Variants in VWC2 observed in about 807,000 individuals in gnomAD.
VWC2 encodes brorin.
In VWC2, 14 loss-of-function variants were observed where a neutral mutation model predicts 29.8. That is an observed-to-expected ratio of 0.47 (90% CI 0.31 to 0.74). The LOEUF is 0.74. Ranked by LOEUF, VWC2 falls within the 30% of genes least tolerant of loss-of-function variation. The probability of loss-of-function intolerance (pLI) is 0.05; values close to 1 mark genes in which losing one functional copy is unlikely to be tolerated. For missense variants in VWC2, 457 were observed against 459.8 expected, an observed-to-expected ratio of 0.99 and a Z score of 0.05; for synonymous variants, 213 against 199.0, an observed-to-expected ratio of 1.07 and a Z score of -0.59.
intron 3 of VWC2, among the ~76,000 whole-genome samples, chr7:49,871,893 A>G (rs544983048): frequency 7.7e-6 from 1 of 130,136 alleles, no homozygotes; most frequent in African/African-American, 2.8e-5. Context: ...TTTTGTATGT[A>G]TATGTGTGTA....
At chr7:49,783,032 T>C (rs1788212180) in intron 2 of VWC2, among the ~76,000 whole-genome samples, 1 of 152,182 alleles carries the variant, frequency 6.6e-6, no homozygotes, top group African/African-American at 2.4e-5. Flanking sequence ...AGCCACGCCC[T>C]GGTCCAGATT....
At chr7:49,905,328 A>AGCCACTGCTACAGCAGT (rs1269333598) in intron 3 of VWC2, among the ~76,000 whole-genome samples, 1 of 152,204 alleles carries the variant, frequency 6.6e-6, no homozygotes, top group African/African-American at 2.4e-5. Flanking sequence ...CCACCACAGC[A>AGCCACTGCTACAGCAGT]GCCACTGCTA....
chr7:49,820,276 C>G (rs1023387189), intron 3 of VWC2, among the ~76,000 whole-genome samples: 16 of 152,096 alleles, frequency 1.1e-4, no homozygotes, highest in Non-Finnish European at 1.9e-4. Flanking sequence ...TCTCCACACT[C>G]CAGGCACCAT....
In VWC2 at chr7:49,775,403, C is replaced by T; in HGVS notation, c.-33C>T. On this transcript the variant is annotated 5_prime_UTR_variant, in exon 2 of 4. Transcript: ENST00000340652. Reference sequence around the variant, plus strand: ...TGCGACTCGCCCCTCGGCCGCGCTCCCCGCCCGCCCGCCCGCCGGGACGTG... The same window carrying T: ...TGCGACTCGCCCCTCGGCCGCGCTCTCCGCCCGCCCGCCCGCCGGGACGTG... 1 of 868,958 alleles carries T rather than the reference C, an allele frequency of 1.2e-6. No individual in the cohort carries two copies. Among genetic ancestry groups the T allele is most frequent in the Non-Finnish European group, 1.5e-6 (1 of 650,748 alleles). The allele number at this position is 868,958 out of a possible 1,614,324, so 53.8% of individuals were successfully genotyped here. A position where few individuals can be genotyped will look rare whatever the true frequency, so the allele number is the denominator to read the frequency against.
At chr7:49,790,937 C>A (rs1000534638) in intron 2 of VWC2, among the ~76,000 whole-genome samples, 1 of 151,998 alleles carries the variant, frequency 6.6e-6, no homozygotes, top group African/African-American at 2.4e-5. Context: ...GCAGGCAGAG[C>A]CATTTGCGCT....
rs115365218 is a variant in VWC2, at chr7:49,909,212, A to T, written c.827-2822A>T. ...TGTCAGTATCTGTATCTAAGGATACAGGTCTTCTGGGCAGTTATGGTGTGG... is the reference window on the plus strand; with the variant it reads ...TGTCAGTATCTGTATCTAAGGATACTGGTCTTCTGGGCAGTTATGGTGTGG... On this transcript the variant is annotated intron_variant, in intron 3 of 3. Transcript: ENST00000340652. Among the ~76,000 whole-genome samples the T allele has an allele frequency of 4.2e-3, 640 of 152,354 alleles. 3 individuals are homozygous for T. Among genetic ancestry groups the T allele is most frequent in the African/African-American group, 0.015 (622 of 41,584 alleles).
intron 2 of VWC2, among the ~76,000 whole-genome samples, chr7:49,776,426 A>G (rs1396335544): frequency 6.6e-6 from 1 of 152,224 alleles, no homozygotes; most frequent in Non-Finnish European, 1.5e-5. Context: ...AGGGACTTTC[A>G]ACATTAATGT....
intron 3 of VWC2, among the ~76,000 whole-genome samples, chr7:49,906,036 C>T (rs1447219190): frequency 6.6e-6 from 1 of 152,214 alleles, no homozygotes; most frequent in East Asian, 1.9e-4. Flanking sequence ...AAATAATTGA[C>T]TCCCTGTTTA....
intron 3 of VWC2, among the ~76,000 whole-genome samples, chr7:49,909,989 A>T (rs1177700667): frequency 1.3e-5 from 2 of 151,980 alleles, no homozygotes; most frequent in African/African-American, 2.4e-5. Context: ...TGCTCCTCTG[A>T]TCAGAGCTAC....
At chr7:49,822,581 G>A (rs1056714927) in intron 3 of VWC2, among the ~76,000 whole-genome samples, 3 of 152,148 alleles carry the variant, frequency 2.0e-5, no homozygotes, top group Admixed American at 6.5e-5. Context: ...TGGGATTACG[G>A]TCACCCACCA....
At chr7:49,898,127 G>GTGTA in intron 3 of VWC2, among the ~76,000 whole-genome samples, 1 of 151,860 alleles carries the variant, frequency 6.6e-6, no homozygotes, top group Non-Finnish European at 1.5e-5. Flanking sequence ...GTGTGTGTGT[G>GTGTA]TGTATGTATG....
chr7:49,809,237 A>G (rs1296634633), intron 3 of VWC2, among the ~76,000 whole-genome samples: 1 of 151,992 alleles, frequency 6.6e-6, no homozygotes, highest in African/African-American at 2.4e-5. Flanking sequence ...TTACAAGGCA[A>G]TACTATGAAC....
At chr7:49,814,234 G>GTATT (rs1406685999) in intron 3 of VWC2, among the ~76,000 whole-genome samples, 1 of 152,144 alleles carries the variant, frequency 6.6e-6, no homozygotes. Flanking sequence ...TCTGCAATAA[G>GTATT]TATTTTCACG....
chr7:49,865,212 C>T (rs903914849), intron 3 of VWC2, among the ~76,000 whole-genome samples: 4 of 152,006 alleles, frequency 2.6e-5, no homozygotes, highest in East Asian at 1.9e-4. Flanking sequence ...TTGTGTGGTC[C>T]GTGGGGTAGG....
intron 3 of VWC2, among the ~76,000 whole-genome samples, chr7:49,893,719 T>TA (rs1204899569): frequency 1.7e-4 from 25 of 151,428 alleles, no homozygotes; most frequent in Non-Finnish European, 2.1e-4. Flanking sequence ...CGAAATACAA[T>TA]AGATGTTGAT....
At chr7:49,876,219 T>G (rs917300820) in intron 3 of VWC2, among the ~76,000 whole-genome samples, 4 of 152,190 alleles carry the variant, frequency 2.6e-5, no homozygotes, top group African/African-American at 9.6e-5. Context: ...GTCCAGATAG[T>G]AAGATACCGA....
At chr7:49,875,386 A>AAAAAAAAAAAAAAAAAAAAAAAAAAAAG in intron 3 of VWC2, among the ~76,000 whole-genome samples, 1 of 149,776 alleles carries the variant, frequency 6.7e-6, no homozygotes, top group Non-Finnish European at 1.5e-5. Context: ...AAAAAAAAAA[A>AAAAAAAAAAAAAAAAAAAAAAAAAAAAG]AAAAAAAAAA....
At chr7:49,809,890 CTA>C (rs1348208227) in intron 3 of VWC2, among the ~76,000 whole-genome samples, 3 of 151,946 alleles carry the variant, frequency 2.0e-5, no homozygotes, top group Non-Finnish European at 2.9e-5. Flanking sequence ...TAAAGAGTAA[CTA>C]TGAATAATTC....
At chr7:49,854,264 G>A (rs1480494495) in intron 3 of VWC2, among the ~76,000 whole-genome samples, 2 of 152,090 alleles carry the variant, frequency 1.3e-5, no homozygotes, top group Non-Finnish European at 2.9e-5. Context: ...GGTATTTCTA[G>A]TTTGAGATCC....
Sources: gnomAD v4.1 joint callset for allele counts (sites outside exome capture counted in the v4.1 genomes callset) on GRCh38, gnomAD v4.1.1 for gene constraint, MANE v1.5 for transcripts, NCBI Gene and HGNC (gene_info 2026-07-23, HGNC 2026-07-21) for gene names.